The following ITGA9 variants were observed in gnomAD, a reference collection of about 807,000 sequenced individuals.
The protein encoded by ITGA9 is integrin subunit alpha 9.
In ITGA9, 56 loss-of-function variants were observed where a neutral mutation model predicts 127.8. That is an observed-to-expected ratio of 0.44 (90% CI 0.35 to 0.55). The LOEUF (loss-of-function observed/expected upper bound fraction) is 0.55, where lower values mean the gene tolerates loss of function less well. Among genes scored for constraint, ITGA9 ranks in the 20% least tolerant of loss-of-function variants. The pLI is 0.00. For synonymous variants in ITGA9, 508 were observed against 514.5 expected (o/e 0.99, Z 0.17); for missense variants, 1,196 against 1,347.1 (o/e 0.89, Z 1.76).
At chr3:37,466,284 A>T (rs1197868400) in intron 1 of ITGA9, among the ~76,000 whole-genome samples, 1 of 151,994 alleles carries the variant, frequency 6.6e-6, no homozygotes, top group Non-Finnish European at 1.5e-5. Flanking sequence ...GAAGTTCAAG[A>T]CCGGCCTTAC....
intron 26 of ITGA9, among the ~76,000 whole-genome samples, chr3:37,794,629 A>T (rs1180768439): frequency 6.6e-6 from 1 of 152,156 alleles, no homozygotes; most frequent in East Asian, 1.9e-4. Flanking sequence ...CAATGTGAGG[A>T]TTATGGGGAG....
At chr3:37,648,103 C>G in intron 16 of ITGA9, among the ~76,000 whole-genome samples, 1 of 152,036 alleles carries the variant, frequency 6.6e-6, no homozygotes, top group East Asian at 1.9e-4. Context: ...AACCTCCATA[C>G]TTTTTTCATA....
intron 11 of ITGA9, among the ~76,000 whole-genome samples, chr3:37,521,146 A>G (rs968582228): frequency 4.6e-5 from 7 of 152,208 alleles, no homozygotes; most frequent in African/African-American, 1.7e-4. Context: ...AGAAGCAACT[A>G]TGACTGTACG....
At chr3:37,672,951 AAAAT>A (rs1700651479) in intron 17 of ITGA9, among the ~76,000 whole-genome samples, 1 of 151,954 alleles carries the variant, frequency 6.6e-6, no homozygotes, top group Non-Finnish European at 1.5e-5. Context: ...CTTGGTTAGT[AAAAT>A]AAATCCCTAA....
chr3:37,798,536 A>T (rs911272045), intron 26 of ITGA9, among the ~76,000 whole-genome samples: 1 of 152,228 alleles, frequency 6.6e-6, no homozygotes, highest in African/African-American at 2.4e-5. Flanking sequence ...CTGCATTTTA[A>T]TAGAGTTCCT....
intron 23 of ITGA9, among the ~76,000 whole-genome samples, chr3:37,768,803 C>A (rs1696808548): frequency 6.6e-6 from 1 of 150,400 alleles, no homozygotes; most frequent in South Asian, 2.1e-4. Flanking sequence ...TTTTTTTTTA[C>A]CCAAAAACCA....
At chr3:37,719,214 G>A (rs1388391122) in intron 18 of ITGA9, among the ~76,000 whole-genome samples, 1 of 152,136 alleles carries the variant, frequency 6.6e-6, no homozygotes, top group African/African-American at 2.4e-5. Context: ...GAGAAAGGGA[G>A]GAAGGATCAT....
intron 16 of ITGA9, among the ~76,000 whole-genome samples, chr3:37,642,003 T>C (rs1012780246): frequency 6.6e-6 from 1 of 152,176 alleles, no homozygotes; most frequent in Non-Finnish European, 1.5e-5. Context: ...AGTGGTGTGA[T>C]CATGGCTCAC....
chr3:37,809,232 C>T (rs1697337089), intron 27 of ITGA9, among the ~76,000 whole-genome samples: 1 of 151,774 alleles, frequency 6.6e-6, no homozygotes, highest in African/African-American at 2.4e-5. Context: ...ATTACAGGTG[C>T]CTGCCACCAA....
chr3:37,666,052 A>G (rs1349880523), intron 17 of ITGA9, among the ~76,000 whole-genome samples: 1 of 152,194 alleles, frequency 6.6e-6, no homozygotes, highest in East Asian at 1.9e-4. Context: ...GGTATGCCAG[A>G]CCTGGTGGAA....
At chr3:37,541,978 G>T (rs1484946941) in intron 14 of ITGA9, among the ~76,000 whole-genome samples, 2 of 152,186 alleles carry the variant, frequency 1.3e-5, no homozygotes, top group African/African-American at 4.8e-5. Flanking sequence ...GTTCCCTTGT[G>T]TTGGGCATAA....
chr3:37,484,781 GTTAT>G (rs1698592349), intron 4 of ITGA9, among the ~76,000 whole-genome samples: 1 of 152,160 alleles, frequency 6.6e-6, no homozygotes, highest in African/African-American at 2.4e-5. Flanking sequence ...TCTCAGATGG[GTTAT>G]TTAAGTTCTC....
chr3:37,748,634 C>T (rs1432353699), intron 22 of ITGA9: 1 of 506,404 alleles, frequency 2.0e-6, no homozygotes, highest in African/African-American at 2.0e-5. Flanking sequence ...GTAATCCCAG[C>T]TACTCAGGAG....
chr3:37,751,145 G>A (rs1275396342), intron 23 of ITGA9, among the ~76,000 whole-genome samples: 4 of 152,214 alleles, frequency 2.6e-5, no homozygotes, highest in Non-Finnish European at 5.9e-5. Flanking sequence ...CTGCCCTCTG[G>A]GTCATGTGGA....
chr3:37,503,226 A>G lies in ITGA9; in HGVS notation c.661A>G (p.Ile221Val). 2 of 1,614,102 alleles carry G rather than the reference A, an allele frequency of 1.2e-6. No homozygotes were observed. The highest frequency in any genetic ancestry group is 2.2e-5 in the South Asian group (2 of 91,078). Residue 221 changes from isoleucine to valine, a missense_variant, in exon 6 of 28, where the codon ATC becomes GTC. By Grantham distance (29) the Ile-to-Val change is conservative. Coordinates refer to ENST00000264741, the MANE Select transcript of ITGA9 (RefSeq NM_002207.3). ...APGSFYWAGTIKVLNLTDNTY... is the reference protein window; with the variant it reads ...APGSFYWAGTVKVLNLTDNTY... Reference sequence around the variant, plus strand: ...AGGGTCATTTTATTGGGCTGGAACCATCAAAGTGCTGAACCTTACGGACAA... The same window carrying G: ...AGGGTCATTTTATTGGGCTGGAACCGTCAAAGTGCTGAACCTTACGGACAA...
intron 19 of ITGA9, 51 bp downstream of exon 19, chr3:37,732,849 C>T (rs1696310759): frequency 7.2e-7 from 1 of 1,393,534 alleles, no homozygotes; most frequent in Non-Finnish European, 1.0e-6. Context: ...CCAGCCCTTC[C>T]ACCAGCCACT....
chr3:37,690,051 A>G (rs1247738116), intron 18 of ITGA9, among the ~76,000 whole-genome samples: 3 of 152,260 alleles, frequency 2.0e-5, no homozygotes, highest in African/African-American at 4.8e-5. Context: ...GAAGCAAGTC[A>G]TTACCACAGT....
rs150352494 is a variant in ITGA9, at chr3:37,783,415, C to A, written c.2788-1562C>A. Among the ~76,000 whole-genome samples the A allele has an allele frequency of 7.2e-4, 110 of 152,258 alleles. 1 individual carries two copies. The highest frequency in any genetic ancestry group is 2.4e-3 in the African/African-American group (99 of 41,534). On this transcript the variant is annotated intron_variant, in intron 25 of 27. Transcript: ENST00000264741. ...GGAGTACAGTGGCTCAATCATAGCT[C>A]ACTGCAGCCTCAAACTCCTGGGCTC...
intron 15 of ITGA9, among the ~76,000 whole-genome samples, chr3:37,591,567 T>C (rs985923953): frequency 2.6e-5 from 4 of 152,168 alleles, no homozygotes; most frequent in Admixed American, 2.0e-4. Flanking sequence ...GTTGGATTCA[T>C]AGATCTGCTT....
Sources: allele counts gnomAD v4.1 joint callset (sites outside exome capture counted in the v4.1 genomes callset), GRCh38; gene constraint gnomAD v4.1.1; transcripts MANE v1.5; gene names NCBI Gene and HGNC (gene_info 2026-07-23, HGNC 2026-07-21).